MANEAL: variants seen among roughly 807,000 people sequenced by gnomAD.
MANEAL encodes mannosidase endo-alpha like, also known as glycoprotein endo-alpha-1,2-mannosidase-like protein.
Under a neutral mutation model 35.9 loss-of-function variants are expected in MANEAL, and 28 were observed. The observed-to-expected ratio is 0.78, with a 90% CI of 0.58 to 1.07. The LOEUF is 1.07. Among genes scored for constraint, MANEAL ranks in the 50% least tolerant of loss-of-function variants. The pLI is 0.00. For synonymous variants in MANEAL, 286 were observed against 272.2 expected (o/e 1.05, Z -0.50); for missense variants, 576 against 629.6 (o/e 0.91, Z 0.91).
At position 37,799,694 on chromosome 1, in the gene MANEAL, C is replaced by A; in HGVS notation, c.865C>A (p.Pro289Thr). ...AWAHLLTPNG[P>T]HSIRNTPYDG... Reference sequence around the variant, plus strand: ...GGCCCACCTCCTGACACCAAACGGGCCCCATTCGATCCGCAACACGCCCTA... The same window carrying A: ...GGCCCACCTCCTGACACCAAACGGGACCCATTCGATCCGCAACACGCCCTA... The change falls in exon 4 of 4, where the codon CCC becomes ACC. Residue 289 changes from proline to threonine, a missense_variant. By Grantham distance (38) the Pro-to-Thr change is conservative. Transcript: ENST00000373045. The surrounding 1 kb of genome is among the most constrained non-coding windows in gnomAD (Gnocchi z 4.1). The A allele has an allele frequency of 1.2e-6, 2 of 1,614,208 alleles. No individual in the cohort carries two copies.
At chr1:37,796,651 C>T (rs1471489164) in intron 2 of MANEAL, 93 bp from the exon 3 acceptor site, 14 of 1,214,514 alleles carry the variant, frequency 1.2e-5, no homozygotes, top group Non-Finnish European at 1.5e-5. Context: ...CTGAACTCAG[C>T]CTCTCCTCCA....
chr1:37,795,804 G>A lies in MANEAL; in HGVS notation c.618G>A (p.Leu206=), dbSNP rs2148384540. 1 of 1,614,100 alleles carries A rather than the reference G, an allele frequency of 6.2e-7. No homozygotes were observed. The highest frequency in any genetic ancestry group is 8.5e-7 in the Non-Finnish European group (1 of 1,180,004). Residue 206 remains leucine (L), a synonymous_variant, in exon 2 of 4, where the codon CTG becomes CTA. Transcript: ENST00000373045. ...ATAACGGGGAGCCCTCAGATGACCT[G>A]GTGCCCGCCATTCTGGACACCGCCC... is the stretch of plus-strand genomic sequence containing the variant. ...ADDNGEPSDD[L]VPAILDTAHQ...
chr1:37,794,633 G>A lies in MANEAL; in HGVS notation c.451G>A (p.Asp151Asn). The A allele has an allele frequency of 6.2e-7, 1 of 1,610,862 alleles. No individual in the cohort carries two copies. Among genetic ancestry groups the A allele is most frequent in the Non-Finnish European group, 8.5e-7 (1 of 1,179,310 alleles). The change falls in exon 1 of 4, where the codon GAC (aspartate) becomes AAC (asparagine). Residue 151 changes from aspartate (D) to asparagine (N), a missense_variant. Asp to Asn is a conservative substitution (Grantham distance 23). Transcript: ENST00000373045. This position sits in a 1 kb window ranked among gnomAD's most constrained non-coding sequence, Gnocchi z 5.7. ...YPRGRHSPPD[D>N]LGSSFYPELG... Reference sequence around the variant, plus strand: ...CCGCGGCCGCCACAGCCCCCCAGACGACTTGGGCTCCAGCTTCTACCCGGA... The same window carrying A: ...CCGCGGCCGCCACAGCCCCCCAGACAACTTGGGCTCCAGCTTCTACCCGGA...
chr1:37,795,883 TA>T (rs1303620391), intron 2 of MANEAL, 37 bp downstream of exon 2: 8 of 1,578,884 alleles, frequency 5.1e-6, no homozygotes, highest in Non-Finnish European at 7.0e-6. Context: ...CTCTCTGCCC[TA>T]TTCTGGAGAG....
chr1:37,795,524 A>G (rs566346322), intron 1 of MANEAL: 14 of 1,383,560 alleles, frequency 1.0e-5, no homozygotes, highest in East Asian at 5.7e-5. Flanking sequence ...CTGGCGCGCT[A>G]CGGTTCCCGC....
chr1:37,794,593 C>T lies in MANEAL; in HGVS notation c.411C>T (p.Ile137=), dbSNP rs756734996. 6.2e-7 allele frequency: 1 copy of T among 1,611,714 alleles called. No homozygotes were observed. Among genetic ancestry groups the T allele is most frequent in the Non-Finnish European group, 8.5e-7 (1 of 1,179,622 alleles). The change falls in exon 1 of 4, where the codon ATC becomes ATT. Residue 137 remains isoleucine, a synonymous_variant. Coordinates refer to ENST00000373045, the MANE Select transcript of MANEAL (RefSeq NM_001113482.2). This position sits in a 1 kb window ranked among gnomAD's most constrained non-coding sequence, Gnocchi z 5.7. The part of the protein sequence containing the change: ...HVMVPHWDPK[I]SASYPRGRHS... Reference sequence around the variant, plus strand: ...TGGTGCCGCACTGGGACCCCAAGATCTCGGCCAGCTACCCCCGCGGCCGCC... The same window carrying T: ...TGGTGCCGCACTGGGACCCCAAGATTTCGGCCAGCTACCCCCGCGGCCGCC...
rs1005594619 is a variant in MANEAL at position 37,796,788 on chromosome 1, T to G, written c.705T>G (p.Thr235=). 1.2e-6 allele frequency: 2 copies of G among 1,609,666 alleles called. No individual in the cohort carries two copies. The highest frequency in any genetic ancestry group is 2.2e-5 in the East Asian group (1 of 44,776). Residue 235 remains threonine (T), a synonymous_variant, in exon 3 of 4, where the codon ACT becomes ACG. Coordinates refer to ENST00000373045, the MANE Select transcript of MANEAL (RefSeq NM_001113482.2). ...CCTACAAGGGCCGGGATGACATCAC[T>G]GTACATGACAACATCAAGTACATCA... ...IQPYKGRDDI[T]VHDNIKYIID...
Position 37,800,198 on chromosome 1 carries a change from A to C in MANEAL, c.1369A>C (p.Met457Leu). The change falls in exon 4 of 4, where the codon ATG becomes CTG. Residue 457 changes from methionine to leucine, a missense_variant. By Grantham distance (15) the Met-to-Leu change is conservative (BLOSUM62 2). Around this residue, in one of 3 missense-constraint regions of MANEAL, gnomAD observed 449 missense variants for 516.1 expected, o/e 0.87. Coordinates refer to ENST00000373045, the MANE Select transcript of MANEAL (RefSeq NM_001113482.2). ...CATCAAAGAGAAGGAGCAGTGGCTCATGTGAGGGGCCTGTAAATGGGCGTG... is the reference window on the plus strand; with the variant it reads ...CATCAAAGAGAAGGAGCAGTGGCTCCTGTGAGGGGCCTGTAAATGGGCGTG... ...HFIKEKEQWL[M>L] The C allele has an allele frequency of 6.2e-7, 1 of 1,612,250 alleles. No individual in the cohort carries two copies.
Position 37,799,597 on chromosome 1 carries a change from TA to T in MANEAL, c.770del (p.Lys257ArgfsTer18). The T allele has an allele frequency of 6.2e-7, 1 of 1,614,142 alleles. No individual in the cohort carries two copies. Among genetic ancestry groups the T allele is most frequent in the African/African-American group, 1.3e-5 (1 of 75,048 alleles). Reference sequence around the variant, plus strand: ...GCTCCCATGGTGCATTTTACCGCTATAAGAACAGCATGGGCAAGAGCCTCCC... The same window carrying T: ...GCTCCCATGGTGCATTTTACCGCTATAGAACAGCATGGGCAAGAGCCTCCC... ...YGSHGAFYRY[K>X]NSMGKSLPLF... is the part of the protein sequence containing the mutation. On this transcript the variant is annotated frameshift_variant, in exon 4 of 4. Coordinates refer to ENST00000373045, the MANE Select transcript of MANEAL (RefSeq NM_001113482.2). LOFTEE classifies it high-confidence loss of function. The surrounding 1 kb of genome is among the most constrained non-coding windows in gnomAD (Gnocchi z 4.1).
chr1:37,796,890 G>T, intron 3 of MANEAL, 70 bp downstream of exon 3: 15 of 1,430,528 alleles, frequency 1.0e-5, no homozygotes, highest in Non-Finnish European at 1.4e-5. Flanking sequence ...GGTTTGGAGG[G>T]GCAGGTCAAG....
chr1:37,794,748 C>T lies in MANEAL; in HGVS notation c.550+16C>T, dbSNP rs1185435243. 2 of 1,525,042 alleles carry T rather than the reference C, an allele frequency of 1.3e-6. No individual in the cohort carries two copies. Among genetic ancestry groups the T allele is most frequent in the South Asian group, 1.2e-5 (1 of 81,320 alleles). The allele number at this position is 1,525,042 out of a possible 1,614,324, so 94.5% of individuals were successfully genotyped here. A position where few individuals can be genotyped will look rare whatever the true frequency, so the allele number is the denominator to read the frequency against. On this transcript the variant is annotated intron_variant, in intron 1 of 3. Coordinates refer to ENST00000373045, the MANE Select transcript of MANEAL (RefSeq NM_001113482.2). This position sits in a 1 kb window ranked among gnomAD's most constrained non-coding sequence, Gnocchi z 5.7. The stretch of plus-strand genomic sequence containing the variant: ...GCCGCCATCGGTGAGCGCCCCCCAC[C>T]CCGGGCGGCCCTGCCCCCCAGCCTC...
intron 2 of MANEAL, among the ~76,000 whole-genome samples, chr1:37,796,072 G>A (rs1282466709): frequency 6.6e-6 from 1 of 152,206 alleles, no homozygotes; most frequent in Non-Finnish European, 1.5e-5. Flanking sequence ...AGGACCAAGA[G>A]AAGACTAAAT....
intron 2 of MANEAL, 57 bp from the exon 3 acceptor site, chr1:37,796,687 T>G: frequency 2.1e-6 from 3 of 1,460,152 alleles, no homozygotes; most frequent in Non-Finnish European, 2.8e-6. Flanking sequence ...CTGAGCCTGA[T>G]ATGTTGTGGC....
Position 37,795,876 on chromosome 1 carries a change from T to C in MANEAL, c.660+30T>C, listed in dbSNP as rs1315393386. ...GTCTCCAAGAAGAGGCCACGTGCTC[T>C]CTGCCCTATTCTGGAGAGTTGCTCT... On this transcript the variant is annotated intron_variant, in intron 2 of 3. Transcript: ENST00000373045. 1.9e-6 allele frequency: 3 copies of C among 1,585,888 alleles called. No individual in the cohort carries two copies. In the African/African-American group the frequency reaches 4.0e-5, roughly 21 times the overall value.
At position 37,800,849 on chromosome 1, in the gene MANEAL, A is replaced by G. The variant is rs1646692245; in HGVS notation, c.*646A>G. ...GAGTTCCTGTCCTGAAGCTTCCAGG[A>G]CCCAGCTTTCCTTTTCTGGTGTGGC... On this transcript the variant is annotated 3_prime_UTR_variant, in exon 4 of 4. Coordinates refer to ENST00000373045, the MANE Select transcript of MANEAL (RefSeq NM_001113482.2). 1 of 152,384 alleles carries G rather than the reference A, an allele frequency of 6.6e-6. No homozygotes were observed. 9.4% of individuals were successfully genotyped at this position (152,384 alleles called of 1,614,324 possible).
At position 37,794,862 on chromosome 1, in the gene MANEAL, T is replaced by G; in HGVS notation, c.550+130T>G. 4.7e-6 allele frequency: 3 copies of G among 635,228 alleles called. No homozygotes were observed. Among genetic ancestry groups the G allele is most frequent in the Non-Finnish European group, 8.1e-6 (3 of 368,598 alleles). The allele number at this position is 635,228 out of a possible 1,614,324, so 39.3% of individuals were successfully genotyped here. A position where few individuals can be genotyped will look rare whatever the true frequency, so the allele number is the denominator to read the frequency against. ...ATCCGCCAGCCTGGCTTCTTAGCTGTTCCCTCCCACTCTCATCCTGGGCCC... is the reference window on the plus strand; with the variant it reads ...ATCCGCCAGCCTGGCTTCTTAGCTGGTCCCTCCCACTCTCATCCTGGGCCC... On this transcript the variant is annotated intron_variant, in intron 1 of 3. Transcript: ENST00000373045. The surrounding 1 kb of genome is among the most constrained non-coding windows in gnomAD (Gnocchi z 5.7).
intron 1 of MANEAL, among the ~76,000 whole-genome samples, chr1:37,795,252 C>G (rs1646635398): frequency 6.6e-6 from 1 of 152,162 alleles, no homozygotes; most frequent in Non-Finnish European, 1.5e-5. Flanking sequence ...CATCAAGCAC[C>G]CAGCTGGAGG....
At position 37,794,387 on chromosome 1, in the gene MANEAL, C is replaced by A. The variant is rs1646624886; in HGVS notation, c.205C>A (p.Pro69Thr). The A allele has an allele frequency of 3.6e-6, 4 of 1,108,088 alleles. No homozygotes were observed. Among genetic ancestry groups the A allele is most frequent in the Non-Finnish European group, 4.4e-6 (4 of 909,714 alleles). 68.6% of individuals were successfully genotyped at this position (1,108,088 alleles called of 1,614,324 possible). The change falls in exon 1 of 4, where the codon CCC (proline) becomes ACC (threonine). Residue 69 changes from proline to threonine, a missense_variant. Pro to Thr is a conservative substitution (Grantham distance 38). This residue lies in a region of MANEAL where 122 missense variants were observed against 97.2 expected (regional missense o/e 1.26). Transcript: ENST00000373045. This position sits in a 1 kb window ranked among gnomAD's most constrained non-coding sequence, Gnocchi z 5.7. ...GGCCCCGGCAGCCCCTGCCGCGCCG[C>A]CCCCGCCGCCGCCGCCGCCCCGCAC... ...ARAPAAPAAP[P>T]PPPPPPRTAD... is the part of the protein sequence containing the mutation.
chr1:37,795,514 C>CT, intron 1 of MANEAL: 1 of 1,374,880 alleles, frequency 7.3e-7, no homozygotes. Context: ...CCCTTCCGGC[C>CT]TGGCGCGCTA....
Sources: allele counts gnomAD v4.1 joint callset (sites outside exome capture counted in the v4.1 genomes callset), GRCh38; gene constraint gnomAD v4.1.1; regional missense constraint gnomAD v4.1.1; non-coding constraint Gnocchi (gnomAD v3.1); transcripts MANE v1.5; gene names NCBI Gene and HGNC (gene_info 2026-07-23, HGNC 2026-07-21).